The following ZNF146 variants were observed in gnomAD, a reference collection of about 807,000 sequenced individuals.
ZNF146 encodes the protein zinc finger protein 146, also known as zinc finger protein OZF.
In ZNF146, 9 loss-of-function variants were observed where a neutral mutation model predicts 22.2. The observed-to-expected ratio is 0.41, with a 90% CI of 0.24 to 0.71. The LOEUF is 0.71. ZNF146 is among the 30% of genes least tolerant of loss of function. The pLI is 0.34. For missense variants in ZNF146, 194 were observed against 344.8 expected, an observed-to-expected ratio of 0.56 and a Z score of 3.46; for synonymous variants, 108 against 119.2, an observed-to-expected ratio of 0.91 and a Z score of 0.61.
chr19:36,216,749 A>G (rs1018844842), intron 1 of ZNF146, among the ~76,000 whole-genome samples: 1 of 152,156 alleles, frequency 6.6e-6, no homozygotes, highest in African/African-American at 2.4e-5. Flanking sequence ...ATGGAAAGAG[A>G]CAAGCTGCAA....
chr19:36,233,109 C>T (rs866511843), intron 3 of ZNF146, among the ~76,000 whole-genome samples: 28 of 152,322 alleles, frequency 1.8e-4, no homozygotes, highest in East Asian at 7.7e-4. Flanking sequence ...CCTGGCCAGG[C>T]GTGGTGGCTC....
chr19:36,227,392 A>G (rs927840232), intron 2 of ZNF146, among the ~76,000 whole-genome samples: 1 of 149,632 alleles, frequency 6.7e-6, no homozygotes, highest in African/African-American at 2.5e-5. Context: ...TCTGTCACAA[A>G]AAAAAAAAAA....
At chr19:36,225,901 C>T (rs1199361863) in intron 2 of ZNF146, among the ~76,000 whole-genome samples, 1 of 151,808 alleles carries the variant, frequency 6.6e-6, no homozygotes, top group Non-Finnish European at 1.5e-5. Context: ...GCTGGGACTA[C>T]AGGCATGTAC....
intron 2 of ZNF146, among the ~76,000 whole-genome samples, chr19:36,223,840 C>T (rs1471084721): frequency 2.0e-5 from 3 of 150,506 alleles, no homozygotes; most frequent in Admixed American, 6.6e-5. Context: ...TTCATATCCT[C>T]GCTAATTTAA....
At chr19:36,217,338 C>G (rs2145390881) in intron 1 of ZNF146, among the ~76,000 whole-genome samples, 1 of 151,824 alleles carries the variant, frequency 6.6e-6, no homozygotes, top group East Asian at 1.9e-4. Flanking sequence ...GCTAGGATTA[C>G]AGGCATGAAC....
intron 2 of ZNF146, among the ~76,000 whole-genome samples, chr19:36,221,857 C>CATG (rs1976855147): frequency 6.6e-6 from 1 of 151,600 alleles, no homozygotes; most frequent in South Asian, 2.1e-4. Flanking sequence ...TAGCATACCA[C>CATG]ATGCACCTCC....
intron 2 of ZNF146, among the ~76,000 whole-genome samples, chr19:36,223,877 C>T (rs1976967127): frequency 1.3e-5 from 2 of 151,924 alleles, no homozygotes; most frequent in South Asian, 4.2e-4. Context: ...GAGATAAGAT[C>T]TCCCTGTGTT....
intron 2 of ZNF146, among the ~76,000 whole-genome samples, chr19:36,223,454 C>T (rs1014713914): frequency 1.3e-5 from 2 of 151,884 alleles, no homozygotes; most frequent in Non-Finnish European, 2.9e-5. Context: ...GCTCCGCCTC[C>T]CGGGTTCACG....
intron 2 of ZNF146, among the ~76,000 whole-genome samples, chr19:36,222,356 G>A (rs1976884193): frequency 6.6e-6 from 1 of 152,174 alleles, no homozygotes; most frequent in Non-Finnish European, 1.5e-5. Flanking sequence ...ATTGTTTCCA[G>A]TCTTCTGCTG....
rs1977668345 is a variant in ZNF146, at chr19:36,237,031, A to G, written c.591A>G (p.Thr197=). ...GTGGAAAAGCCTTCTCTCAGCGAAC[A>G]TCACTTATTGTACATGTGAGGATTC... ...NECGKAFSQR[T]SLIVHVRIHS... Residue 197 remains threonine, a synonymous_variant, in exon 4 of 4, where the codon ACA becomes ACG. Transcript: ENST00000443387. 3 of 1,614,200 alleles carry G rather than the reference A, an allele frequency of 1.9e-6. No individual in the cohort carries two copies. The highest frequency in any genetic ancestry group is 3.3e-4 in the Middle Eastern group (2 of 6,062).
At chr19:36,220,428 G>A (rs1486347629) in intron 2 of ZNF146, among the ~76,000 whole-genome samples, 1 of 151,438 alleles carries the variant, frequency 6.6e-6, no homozygotes. Flanking sequence ...GCAGTGGCAC[G>A]ATCTCAGCTC....
intron 1 of ZNF146, among the ~76,000 whole-genome samples, chr19:36,216,152 G>C (rs555960000): frequency 6.6e-6 from 1 of 152,260 alleles, no homozygotes; most frequent in Admixed American, 6.5e-5. Flanking sequence ...ACAAATATCA[G>C]TTAGAATACA....
intron 2 of ZNF146, among the ~76,000 whole-genome samples, chr19:36,224,803 A>G (rs1274847687): frequency 6.6e-6 from 1 of 152,112 alleles, no homozygotes; most frequent in Non-Finnish European, 1.5e-5. Flanking sequence ...CGTGATACGT[A>G]TTCTCGTTTC....
chr19:36,219,220 G>A (rs972584733), intron 2 of ZNF146, among the ~76,000 whole-genome samples: 6 of 152,072 alleles, frequency 3.9e-5, no homozygotes, highest in African/African-American at 1.4e-4. Flanking sequence ...GCACTGGTGC[G>A]ATCACATCTC....
In ZNF146 at chr19:36,238,126, T is replaced by C. The variant is rs1005728951; in HGVS notation, c.*807T>C. 2.4e-5 allele frequency: 4 copies of C among 167,132 alleles called. No homozygotes were observed. Among genetic ancestry groups the C allele is most frequent in the Non-Finnish European group, 5.9e-5 (4 of 68,132 alleles). The allele number at this position is 167,132 out of a possible 1,614,324, so 10.4% of individuals were successfully genotyped here. A position where few individuals can be genotyped will look rare whatever the true frequency, so the allele number is the denominator to read the frequency against. Reference sequence around the variant, plus strand: ...TCACGAACAATATGGGAAATTCTTATGTAATACTATATATCTGTAAAATGC... The same window carrying C: ...TCACGAACAATATGGGAAATTCTTACGTAATACTATATATCTGTAAAATGC... On this transcript the variant is annotated 3_prime_UTR_variant, in exon 4 of 4. Transcript: ENST00000443387.
intron 3 of ZNF146, among the ~76,000 whole-genome samples, chr19:36,233,769 TATCTCAGTAGATGGA>T (rs2145455965): frequency 6.6e-6 from 1 of 152,340 alleles, no homozygotes; most frequent in South Asian, 2.1e-4. Context: ...GGTTTTCCCC[TATCTCAGTAGATGGA>T]ATATACAATC....
At chr19:36,227,163 C>T (rs927754445) in intron 2 of ZNF146, among the ~76,000 whole-genome samples, 42 of 151,380 alleles carry the variant, frequency 2.8e-4, no homozygotes, top group Non-Finnish European at 5.3e-4. Flanking sequence ...CAGAGGTGGG[C>T]GGATCACCTG....
Position 36,237,371 on chromosome 19 carries a change from CTCA to C in ZNF146, c.*57_*59del. On this transcript the variant is annotated 3_prime_UTR_variant, in exon 4 of 4. Coordinates refer to ENST00000443387, the MANE Select transcript of ZNF146 (RefSeq NM_007145.3). Reference sequence around the variant, plus strand: ...GAAAGCTTTCATTAGAAATTTGCACCTCATCATGCCCCAGAAATAATCCTTCTG... The same window carrying C: ...GAAAGCTTTCATTAGAAATTTGCACCTCATGCCCCAGAAATAATCCTTCTG... The C allele has an allele frequency of 2.6e-6, 4 of 1,533,962 alleles. No individual in the cohort carries two copies. Among genetic ancestry groups the C allele is most frequent in the South Asian group, 1.3e-5 (1 of 76,580 alleles).
chr19:36,215,261 A>G (rs1976550214), intron 1 of ZNF146, 65 bp downstream of exon 1: 1 of 152,116 alleles, frequency 6.6e-6, no homozygotes, highest in Non-Finnish European at 1.5e-5. Context: ...CCTGATCTTT[A>G]GGGGCGCGGC....
Sources: gnomAD v4.1 joint callset for allele counts (sites outside exome capture counted in the v4.1 genomes callset) on GRCh38, gnomAD v4.1.1 for gene constraint, MANE v1.5 for transcripts, NCBI Gene and HGNC (gene_info 2026-07-23, HGNC 2026-07-21) for gene names.